PCNT: variants seen among roughly 807,000 people sequenced by gnomAD.
PCNT encodes the protein pericentrin, also known as kendrin.
Under a neutral mutation model 380.4 loss-of-function variants are expected in PCNT, and 319 were observed. That is an observed-to-expected ratio of 0.84 (90% confidence interval 0.77 to 0.92). The LOEUF (loss-of-function observed/expected upper bound fraction) is 0.92, where lower values mean the gene tolerates loss of function less well. Ranked by LOEUF, PCNT falls within the 40% of genes least tolerant of loss-of-function variation. The probability of loss-of-function intolerance (pLI) is 0.00; values close to 1 mark genes in which losing one functional copy is unlikely to be tolerated. For missense variants in PCNT, 4,400 were observed against 4,255.3 expected (o/e 1.03, Z -0.95); for synonymous variants, 1,845 against 1,735.2 (o/e 1.06, Z -1.57).
chr21:46,341,704 C>G (rs114732915), intron 3 of PCNT, among the ~76,000 whole-genome samples: 2 of 151,666 alleles, frequency 1.3e-5, no homozygotes, highest in Admixed American at 6.6e-5. Context: ...AATTTTGAGA[C>G]GGGGTCTTAC....
chr21:46,381,225 T>C lies in PCNT; in HGVS notation c.3166-469T>C, dbSNP rs2085528277. ...GTGTGTGTGTGTGTGTGTGTGTGTG[T>C]GTGTGTGTGTGTGTGTGTGTATAGA... On this transcript the variant is annotated intron_variant, in intron 15 of 46. Transcript: ENST00000359568. Among the ~76,000 whole-genome samples the C allele has an allele frequency of 1.3e-5, 2 of 148,358 alleles. 1 individual carries two copies. The highest frequency in any genetic ancestry group is 5.0e-5 in the African/African-American group (2 of 40,164).
Position 46,363,699 on chromosome 21 carries a change from C to G in PCNT, c.2374C>G (p.Arg792Gly). The change falls in exon 14 of 47, where the codon CGA (arginine) becomes GGA (glycine). Residue 792 changes from arginine (R) to glycine (G), a missense_variant. Physicochemically the swap from Arg to Gly is moderately radical, Grantham distance 125 (BLOSUM62 -2). Transcript: ENST00000359568. ...KQTIINKFEL[R>G]EAEMRQLQDQ... ...GACCATCATAAACAAGTTTGAGCTTCGAGAAGCTGAAATGAGGCAGCTTCA... is the reference window on the plus strand; with the variant it reads ...GACCATCATAAACAAGTTTGAGCTTGGAGAAGCTGAAATGAGGCAGCTTCA... 6.2e-7 allele frequency: 1 copy of G among 1,614,188 alleles called. No homozygotes were observed. Among genetic ancestry groups the G allele is most frequent in the Non-Finnish European group, 8.5e-7 (1 of 1,180,034 alleles).
rs1206203692 is a variant in PCNT, at chr21:46,391,355, G to C, written c.4195G>C (p.Asp1399His). 1 of 1,551,686 alleles carries C rather than the reference G, an allele frequency of 6.4e-7. No homozygotes were observed. The highest frequency in any genetic ancestry group is 8.7e-7 in the Non-Finnish European group (1 of 1,147,556). ...GAGTCGGGGGGAGGCCACAGCCACG[G>C]ACGCCGAGGCCAGAGAAGCTGGTAA... The part of the protein sequence containing the change: ...LWSRGEATAT[D>H]AEAREAALRK... The change falls in exon 21 of 47, where the codon GAC (aspartate) becomes CAC (histidine). Residue 1399 changes from aspartate to histidine, a missense_variant. By Grantham distance (81) the Asp-to-His change is moderately conservative. Coordinates refer to ENST00000359568, the MANE Select transcript of PCNT (RefSeq NM_006031.6).
intron 3 of PCNT, among the ~76,000 whole-genome samples, chr21:46,339,847 A>T (rs1278628656): frequency 6.6e-6 from 1 of 152,096 alleles, no homozygotes; most frequent in African/African-American, 2.4e-5. Flanking sequence ...GATGTCTTTG[A>T]TTCTGCTTGG....
At position 46,440,152 on chromosome 21, in the gene PCNT, G is replaced by A. The variant is rs755004996; in HGVS notation, c.9343G>A (p.Gly3115Ser). ...PQSSLRRPDP[G>S]RLPPAASEEA... is the part of the protein sequence containing the mutation. Reference sequence around the variant, plus strand: ...GAGTTCCCTGAGGCGCCCAGACCCCGGCCGGCTTCCACCAGCTGCCAGCGA... The same window carrying A: ...GAGTTCCCTGAGGCGCCCAGACCCCAGCCGGCTTCCACCAGCTGCCAGCGA... The change falls in exon 42 of 47, where the codon GGC becomes AGC. Residue 3115 changes from glycine (G) to serine (S), a missense_variant. Coordinates refer to ENST00000359568, the MANE Select transcript of PCNT (RefSeq NM_006031.6). 1.6e-5 allele frequency: 26 copies of A among 1,614,074 alleles called. No homozygotes were observed. The highest frequency in any genetic ancestry group is 1.7e-4 in the Middle Eastern group (1 of 6,060).
Position 46,324,186 on chromosome 21 carries a change from C to T in PCNT, c.-43C>T, listed in dbSNP as rs767555834. ...AAATAGAGCGAAGGCTGCTCTGTGT[C>T]AGCCCCGTCACCGCCGGGCGGCCCG... On this transcript the variant is annotated 5_prime_UTR_variant, in exon 1 of 47. Coordinates refer to ENST00000359568, the MANE Select transcript of PCNT (RefSeq NM_006031.6). 3.8e-6 allele frequency: 6 copies of T among 1,560,292 alleles called. No homozygotes were observed. The highest frequency in any genetic ancestry group is 1.7e-4 in the Middle Eastern group (1 of 5,906).
At chr21:46,437,995 A>C (rs1164584738) in intron 40 of PCNT, among the ~76,000 whole-genome samples, 169 bp from the exon 41 acceptor site, 3 of 152,238 alleles carry the variant, frequency 2.0e-5, no homozygotes, top group African/African-American at 7.2e-5. Flanking sequence ...GTTGCGTGCA[A>C]AGTCTGTGAT....
In PCNT at chr21:46,411,684, G is replaced by A; in HGVS notation, c.5611G>A (p.Ala1871Thr). Residue 1871 changes from alanine (A) to threonine (T), a missense_variant, in exon 28 of 47, where the codon GCC becomes ACC. Coordinates refer to ENST00000359568, the MANE Select transcript of PCNT (RefSeq NM_006031.6). ...AALKAKEATIAERNLEIDALN... is the reference protein window; with the variant it reads ...AALKAKEATITERNLEIDALN... ...CCTGAAAGCAAAGGAAGCGACGATT[G>A]CCGAGAGAAATTTAGAAATCGACGC... 1 of 1,612,972 alleles carries A rather than the reference G, an allele frequency of 6.2e-7. No individual in the cohort carries two copies. The highest frequency in any genetic ancestry group is 8.5e-7 in the Non-Finnish European group (1 of 1,179,894).
At chr21:46,332,751 G>A (rs1025092976) in intron 2 of PCNT, among the ~76,000 whole-genome samples, 5 of 152,172 alleles carry the variant, frequency 3.3e-5, no homozygotes, top group African/African-American at 1.2e-4. Context: ...CCGAAAAGTC[G>A]ACACTGTCAT....
chr21:46,381,679 T>C lies in PCNT; in HGVS notation c.3166-15T>C. The C allele has an allele frequency of 6.2e-7, 1 of 1,610,266 alleles. No individual in the cohort carries two copies. The highest frequency in any genetic ancestry group is 8.5e-7 in the Non-Finnish European group (1 of 1,176,454). On this transcript the variant is annotated splice_polypyrimidine_tract_variant and intron_variant, in intron 15 of 46. Transcript: ENST00000359568. ...CTAGCTTACTGGTATTTTTTATTGTTATTGATGTGTACAGGGTGAATTTGG... is the reference window on the plus strand; with the variant it reads ...CTAGCTTACTGGTATTTTTTATTGTCATTGATGTGTACAGGGTGAATTTGG...
intron 15 of PCNT, among the ~76,000 whole-genome samples, chr21:46,381,140 G>T (rs940503508): frequency 7.0e-6 from 1 of 142,924 alleles, no homozygotes; most frequent in African/African-American, 2.6e-5. Context: ...TCACACCACT[G>T]CATTCCAGCC....
chr21:46,429,794 C>T (rs2087673803), intron 35 of PCNT, among the ~76,000 whole-genome samples: 2 of 152,058 alleles, frequency 1.3e-5, no homozygotes, highest in Admixed American at 1.3e-4. Context: ...CTCTGTGTCT[C>T]CCGGCCAGGT....
chr21:46,428,119 G>A (rs1057175098), intron 34 of PCNT, among the ~76,000 whole-genome samples: 19 of 152,192 alleles, frequency 1.2e-4, no homozygotes, highest in African/African-American at 3.9e-4. Flanking sequence ...GCTGGGTGGC[G>A]TTGGTGCCGT....
rs1340154684 is a variant in PCNT, at chr21:46,359,016, G to C, written c.2154+1825G>C. ...GTAGAGACGAGGTTTCACCGTGTTA[G>C]CCAGGATGGTCTCGATCTCCTGACC... On this transcript the variant is annotated intron_variant, in intron 13 of 46. Transcript: ENST00000359568. Among the ~76,000 whole-genome samples the C allele has an allele frequency of 2.0e-5, 3 of 151,668 alleles. No homozygotes were observed. The East Asian group carries it at 5.8e-4, about 29-fold the overall frequency.
At chr21:46,376,295 CTA>C (rs1268372216) in intron 15 of PCNT, among the ~76,000 whole-genome samples, 1 of 152,222 alleles carries the variant, frequency 6.6e-6, no homozygotes, top group African/African-American at 2.4e-5. Flanking sequence ...CGGTAGGCCT[CTA>C]TGAGAGATTT....
rs746610857 is a variant in PCNT at position 46,440,996 on chromosome 21, G to T, written c.9535G>T (p.Val3179Leu). 1 of 1,614,034 alleles carries T rather than the reference G, an allele frequency of 6.2e-7. No individual in the cohort carries two copies. The highest frequency in any genetic ancestry group is 1.1e-5 in the South Asian group (1 of 91,084). ...ETLSMIAHLG[V>L]FPSKAERKIT... The stretch of plus-strand genomic sequence containing the variant: ...ACTCTCCATGATTGCCCATTTGGGG[G>T]TATTTCCTTCCAAAGCAGAACGGAA... The change falls in exon 43 of 47, where the codon GTA (valine) becomes TTA (leucine). Residue 3179 changes from valine to leucine, a missense_variant. Physicochemically the swap from Val to Leu is conservative, Grantham distance 32. Transcript: ENST00000359568.
chr21:46,344,585 G>C (rs1364639494), intron 3 of PCNT, among the ~76,000 whole-genome samples: 1 of 152,196 alleles, frequency 6.6e-6, no homozygotes, highest in Non-Finnish European at 1.5e-5. Context: ...AATTTAGTTT[G>C]GGTCATTTTT....
chr21:46,324,434 G>T (rs1021171072), intron 1 of PCNT, 152 bp downstream of exon 1: 3 of 724,752 alleles, frequency 4.1e-6, no homozygotes, highest in South Asian at 1.5e-5. Flanking sequence ...GCTGGAAGCC[G>T]CCTCCTGGCC....
At chr21:46,343,461 C>G (rs2146500087) in intron 3 of PCNT, among the ~76,000 whole-genome samples, 1 of 42 alleles carries the variant, frequency 0.024, no homozygotes. Context: ...GTTGAACCTT[C>G]ATCCCTGGTA....
Sources: gnomAD v4.1 joint callset for allele counts (sites outside exome capture counted in the v4.1 genomes callset) on GRCh38, gnomAD v4.1.1 for gene constraint, MANE v1.5 for transcripts, NCBI Gene and HGNC (gene_info 2026-07-23, HGNC 2026-07-21) for gene names.